Variants in COL14A1 observed in about 807,000 individuals in gnomAD.
COL14A1 encodes the protein collagen type XIV alpha 1 chain, also known as collagen alpha-1(XIV) chain.
A neutral mutation model predicts 230.3 loss-of-function variants in COL14A1; 136 were observed. That is an observed-to-expected ratio of 0.59 (90% CI 0.51 to 0.68). The LOEUF (loss-of-function observed/expected upper bound fraction) is 0.68, where lower values mean the gene tolerates loss of function less well. Among genes scored for constraint, COL14A1 ranks in the 30% least tolerant of loss-of-function variants. The pLI is 0.00. For synonymous variants in COL14A1, 792 were observed against 784.1 expected (o/e 1.01, Z -0.17); for missense variants, 1,976 against 2,215.8 (o/e 0.89, Z 2.17).
intron 25 of COL14A1, chr8:120,267,107 A>G: frequency 2.1e-6 from 1 of 472,824 alleles, no homozygotes; most frequent in South Asian, 2.7e-5. Context: ...GCTTAATACT[A>G]TTTTTTTTGA....
At chr8:120,179,249 G>T (rs2130631172) in intron 5 of COL14A1, among the ~76,000 whole-genome samples, 1 of 152,240 alleles carries the variant, frequency 6.6e-6, no homozygotes, top group African/African-American at 2.4e-5. Context: ...AAGTCAAATT[G>T]TCTGTGTTTG....
At chr8:120,327,370 A>C (rs1216205132) in intron 40 of COL14A1, among the ~76,000 whole-genome samples, 3 of 152,110 alleles carry the variant, frequency 2.0e-5, no homozygotes, top group African/African-American at 7.2e-5. Flanking sequence ...CGTGTAATTC[A>C]CACTCCAGAG....
chr8:120,131,459 T>G (rs1386887547), intron 1 of COL14A1, among the ~76,000 whole-genome samples: 1 of 152,090 alleles, frequency 6.6e-6, no homozygotes, highest in Non-Finnish European at 1.5e-5. Flanking sequence ...TTCTGATGAT[T>G]AGCAATGTGG....
chr8:120,154,195 C>T (rs1226239353), intron 2 of COL14A1, among the ~76,000 whole-genome samples: 2 of 151,828 alleles, frequency 1.3e-5, no homozygotes, highest in Admixed American at 6.6e-5. Context: ...AAACCGTAAG[C>T]GTTCAAATTC....
chr8:120,203,920 A>T (rs766094595), intron 9 of COL14A1, 50 bp downstream of exon 9: 28 of 1,538,486 alleles, frequency 1.8e-5, no homozygotes, highest in Non-Finnish European at 2.5e-5. Flanking sequence ...TATGGTGCAC[A>T]AGCCTATTGT....
At chr8:120,369,603 G>T in intron 47 of COL14A1, 118 bp downstream of exon 47, 1 of 973,292 alleles carries the variant, frequency 1.0e-6, no homozygotes. Context: ...GGGAAGCAGA[G>T]CTTGAATGCC....
chr8:120,185,145 C>T (rs1324763435), intron 5 of COL14A1, among the ~76,000 whole-genome samples: 6 of 152,144 alleles, frequency 3.9e-5, no homozygotes, highest in African/African-American at 7.2e-5. Flanking sequence ...TTTCCACCCA[C>T]GATTGGATTA....
intron 7 of COL14A1, among the ~76,000 whole-genome samples, chr8:120,198,676 A>G (rs1402432496): frequency 1.3e-5 from 2 of 152,228 alleles, no homozygotes; most frequent in African/African-American, 2.4e-5. Context: ...CCTGAAATCC[A>G]AAACGATTCT....
At chr8:120,261,051 T>C (rs1819306862) in intron 23 of COL14A1, among the ~76,000 whole-genome samples, 1 of 152,078 alleles carries the variant, frequency 6.6e-6, no homozygotes, top group African/African-American at 2.4e-5. Context: ...ACTAGGGAAA[T>C]AATAGTTAAC....
At chr8:120,184,581 A>T (rs1358889289) in intron 5 of COL14A1, among the ~76,000 whole-genome samples, 2 of 152,182 alleles carry the variant, frequency 1.3e-5, no homozygotes, top group Non-Finnish European at 2.9e-5. Flanking sequence ...GAATTGGTTC[A>T]TGTGATTATG....
At chr8:120,348,306 C>CAT (rs375948231) in intron 45 of COL14A1, among the ~76,000 whole-genome samples, 2,202 of 138,672 alleles carry the variant, frequency 0.016, 39 homozygotes, top group Non-Finnish European at 0.017. Flanking sequence ...ATATATAAAG[C>CAT]ATATATATAT....
At chr8:120,130,027 C>A (rs977923126) in intron 1 of COL14A1, among the ~76,000 whole-genome samples, 1 of 152,140 alleles carries the variant, frequency 6.6e-6, no homozygotes, top group African/African-American at 2.4e-5. Flanking sequence ...TCATCAGAGG[C>A]CTGGTTGGTG....
chr8:120,324,785 A>G (rs1285539933), intron 40 of COL14A1, among the ~76,000 whole-genome samples: 1 of 152,230 alleles, frequency 6.6e-6, no homozygotes, highest in Non-Finnish European at 1.5e-5. Context: ...GAAGAATAGT[A>G]TAATTGAGTC....
At position 120,209,881 on chromosome 8, in the gene COL14A1, C is replaced by T. The variant is rs769610614; in HGVS notation, c.1447C>T (p.Leu483=). The T allele has an allele frequency of 6.2e-7, 1 of 1,608,478 alleles. No individual in the cohort carries two copies. Among genetic ancestry groups the T allele is most frequent in the East Asian group, 2.2e-5 (1 of 44,750 alleles). The change falls in exon 12 of 48, where the codon CTG becomes TTG. Residue 483 remains leucine, a synonymous_variant. Transcript: ENST00000297848. ...LILYAPLTEG[L]AGDEKEMKIG... ...CCTTTATGCTCCTCTAACAGAGGGC[C>T]TGGCTGGGGATGAAAAAGAGGTAAC...
At chr8:120,364,467 C>T (rs1823333654) in intron 45 of COL14A1, among the ~76,000 whole-genome samples, 1 of 152,152 alleles carries the variant, frequency 6.6e-6, no homozygotes, top group Non-Finnish European at 1.5e-5. Flanking sequence ...CAGAAAATGG[C>T]CTACAACCAA....
chr8:120,189,908 A>G (rs1280358184), intron 5 of COL14A1, among the ~76,000 whole-genome samples: 2 of 151,810 alleles, frequency 1.3e-5, no homozygotes, highest in Non-Finnish European at 2.9e-5. Flanking sequence ...TGTTGGTTCC[A>G]AGTCTTTGCT....
At chr8:120,155,338 T>C (rs1040952768) in intron 2 of COL14A1, among the ~76,000 whole-genome samples, 3 of 152,166 alleles carry the variant, frequency 2.0e-5, no homozygotes, top group Non-Finnish European at 4.4e-5. Flanking sequence ...CCACTCTTGG[T>C]TCTAGAACAC....
intron 5 of COL14A1, among the ~76,000 whole-genome samples, chr8:120,194,434 C>A (rs1816956336): frequency 6.6e-6 from 1 of 152,068 alleles, no homozygotes. Flanking sequence ...CTTGACCATA[C>A]CCCACACTTA....
rs188731249 is a variant in COL14A1, at chr8:120,164,141, A to G, written c.349+1572A>G. Among the ~76,000 whole-genome samples the G allele has an allele frequency of 7.9e-5, 12 of 152,352 alleles. No individual in the cohort carries two copies. In the East Asian group the frequency reaches 2.3e-3, roughly 29 times the overall value. ...AGGACAATTTAAAGCATAATAAAAA[A>G]TCATCAGAATAGTATAATGAACCCC... On this transcript the variant is annotated intron_variant, in intron 4 of 47. Coordinates refer to ENST00000297848, the MANE Select transcript of COL14A1 (RefSeq NM_021110.4).
Sources: gnomAD v4.1 joint callset for allele counts (sites outside exome capture counted in the v4.1 genomes callset) on GRCh38, gnomAD v4.1.1 for gene constraint, MANE v1.5 for transcripts, NCBI Gene and HGNC (gene_info 2026-07-23, HGNC 2026-07-21) for gene names.